RBFOX1: variants seen among roughly 807,000 people sequenced by gnomAD.
RBFOX1 encodes the protein RNA binding protein fox-1 homolog 1.
A neutral mutation model predicts 57.7 loss-of-function variants in RBFOX1; 8 were observed. The observed-to-expected ratio is 0.14, with a 90% CI of 0.08 to 0.25. RBFOX1 has a LOEUF of 0.25. RBFOX1 is among the 10% of genes least tolerant of loss of function. The pLI is 1.00. For missense variants in RBFOX1, 611 were observed against 548.5 expected (o/e 1.11, Z -1.14); for synonymous variants, 326 against 222.4 (o/e 1.47, Z -4.15).
Position 5,947,159 on chromosome 16 carries a change from C to T in RBFOX1, c.351+79824C>T, listed in dbSNP as rs751104618. ...TGAACTCAGGAGGTTGAGGTTGCAG[C>T]GAGCCGTGATTCTGCCACTGCTCTC... On this transcript the variant is annotated intron_variant, in intron 4 of 19. Coordinates refer to the RBFOX1 transcript ENST00000641259. The surrounding 1 kb of genome is among the most constrained non-coding windows in gnomAD (Gnocchi z 7.2). 4.6e-5 allele frequency among the ~76,000 whole-genome samples: 7 copies of T among 152,126 alleles called. No homozygotes were observed. The highest frequency in any genetic ancestry group is 9.6e-5 in the African/African-American group (4 of 41,506).
At chr16:7,319,477 G>A (rs113708599) in intron 4 of RBFOX1, among the ~76,000 whole-genome samples, 4 of 152,294 alleles carry the variant, frequency 2.6e-5, no homozygotes, top group African/African-American at 9.6e-5. Context: ...TTTCAGGTCA[G>A]TGTTTGTATG....
intron 2 of RBFOX1, among the ~76,000 whole-genome samples, chr16:5,593,075 A>G (rs915502286): frequency 1.3e-5 from 2 of 152,356 alleles, no homozygotes; most frequent in South Asian, 4.1e-4. Flanking sequence ...ACAATAGCAA[A>G]GACCTGGAAC....
At chr16:5,684,914 C>T (rs1292376014) in intron 3 of RBFOX1, among the ~76,000 whole-genome samples, 3 of 152,086 alleles carry the variant, frequency 2.0e-5, no homozygotes, top group Non-Finnish European at 4.4e-5. Flanking sequence ...TCAGGGAGCT[C>T]TCCAGCGTAT....
chr16:5,434,698 C>T (rs149616396), intron 1 of RBFOX1, among the ~76,000 whole-genome samples: 549 of 152,302 alleles, frequency 3.6e-3, no homozygotes, highest in Non-Finnish European at 5.9e-3. Context: ...AATCCTGCAT[C>T]TCTTGACTCT....
At chr16:6,917,392 A>T (rs192372596) in intron 3 of RBFOX1, among the ~76,000 whole-genome samples, 36 of 152,336 alleles carry the variant, frequency 2.4e-4, no homozygotes, top group African/African-American at 8.7e-4. Context: ...ACTTGAGTGT[A>T]GCTCTATATC....
chr16:7,379,810 C>T (rs921356403), intron 4 of RBFOX1, among the ~76,000 whole-genome samples: 43 of 151,616 alleles, frequency 2.8e-4, no homozygotes, highest in African/African-American at 1.0e-3. Context: ...GCCTGCCTGC[C>T]TCCCTCCCTC....
intron 3 of RBFOX1, among the ~76,000 whole-genome samples, chr16:6,665,325 G>C (rs150807509): frequency 2.6e-5 from 4 of 152,304 alleles, no homozygotes; most frequent in Non-Finnish European, 5.9e-5. Flanking sequence ...TAAAAAATGA[G>C]GGAGGGGGCT....
At chr16:7,046,422 C>G (rs543174923) in intron 3 of RBFOX1, among the ~76,000 whole-genome samples, 2 of 152,054 alleles carry the variant, frequency 1.3e-5, no homozygotes, top group East Asian at 1.9e-4. Flanking sequence ...AACCTTATCA[C>G]CCATGTTAAT....
At chr16:7,039,296 C>T (rs562296007) in intron 3 of RBFOX1, among the ~76,000 whole-genome samples, 1 of 152,296 alleles carries the variant, frequency 6.6e-6, no homozygotes, top group South Asian at 2.1e-4. Context: ...GCTCTTTCGT[C>T]CGTCTCCCTT....
chr16:6,649,307 T>C (rs767882602), intron 2 of RBFOX1, among the ~76,000 whole-genome samples: 3 of 152,330 alleles, frequency 2.0e-5, no homozygotes, highest in Non-Finnish European at 2.9e-5. Flanking sequence ...TATTCTGTTG[T>C]GTATATATAC....
chr16:6,045,250 C>G (rs2095483173), intron 1 of RBFOX1, among the ~76,000 whole-genome samples: 1 of 152,210 alleles, frequency 6.6e-6, no homozygotes, highest in African/African-American at 2.4e-5. Context: ...ACCTGTGGAA[C>G]ACACATTGAG....
At chr16:5,811,143 A>ATTTTTTTTTTTTT (rs374827330) in intron 3 of RBFOX1, among the ~76,000 whole-genome samples, 1 of 104,558 alleles carries the variant, frequency 9.6e-6, no homozygotes, top group African/African-American at 3.9e-5. Context: ...TATGGAACAA[A>ATTTTTTTTTTTTT]TTTTTTTTTT....
intron 4 of RBFOX1, among the ~76,000 whole-genome samples, chr16:7,501,866 C>T (rs1226535410): frequency 6.6e-6 from 1 of 152,190 alleles, no homozygotes; most frequent in Non-Finnish European, 1.5e-5. Context: ...ATGACTCCTG[C>T]CAGCCTGTAG....
rs181858373 is a variant in RBFOX1 at position 5,409,758 on chromosome 16, A to T, written c.220-57458A>T. Among the ~76,000 whole-genome samples, 35 of 152,240 alleles carry T rather than the reference A, an allele frequency of 2.3e-4. No homozygotes were observed. In the Middle Eastern group the frequency reaches 0.014, roughly 59 times the overall value. On this transcript the variant is annotated intron_variant, in intron 1 of 2. Transcript: ENST00000585867. Reference sequence around the variant, plus strand: ...AAGTATTCCAGTCTCTTAAAAATCAACATGCAGGCTGGGCATGGTGGTGGC... The same window carrying T: ...AAGTATTCCAGTCTCTTAAAAATCATCATGCAGGCTGGGCATGGTGGTGGC...
At chr16:7,582,989 G>A (rs2093892358) in intron 6 of RBFOX1, among the ~76,000 whole-genome samples, 1 of 151,794 alleles carries the variant, frequency 6.6e-6, no homozygotes, top group Non-Finnish European at 1.5e-5. Flanking sequence ...CATGCCTAAT[G>A]GTTACTGCAG....
intron 3 of RBFOX1, among the ~76,000 whole-genome samples, chr16:6,855,027 C>A (rs541292126): frequency 6.6e-6 from 1 of 151,880 alleles, no homozygotes; most frequent in South Asian, 2.1e-4. Flanking sequence ...GACAATGTTT[C>A]ACTGTTGGGA....
intron 4 of RBFOX1, among the ~76,000 whole-genome samples, chr16:7,262,633 T>C (rs529173593): frequency 9.2e-5 from 14 of 152,258 alleles, no homozygotes; most frequent in Non-Finnish European, 2.1e-4. Flanking sequence ...CTCTGCAGCT[T>C]TGATAGCTGT....
chr16:6,772,853 T>C (rs2078567989), intron 3 of RBFOX1, among the ~76,000 whole-genome samples: 1 of 144,472 alleles, frequency 6.9e-6, no homozygotes, highest in Non-Finnish European at 1.5e-5. Context: ...GGGCATGGGA[T>C]GCATTTGTGT....
chr16:7,247,119 C>T (rs1269723671), intron 4 of RBFOX1, among the ~76,000 whole-genome samples: 3 of 152,146 alleles, frequency 2.0e-5, no homozygotes, highest in African/African-American at 7.2e-5. Flanking sequence ...AGCTGGCCCT[C>T]AAGTGAGGAG....
Sources: gnomAD v4.1 joint callset for allele counts (sites outside exome capture counted in the v4.1 genomes callset) on GRCh38, gnomAD v4.1.1 for gene constraint, Gnocchi (gnomAD v3.1) non-coding constraint, MANE v1.5 for transcripts, NCBI Gene and HGNC (gene_info 2026-07-23, HGNC 2026-07-21) for gene names.